RAB28: variants seen among roughly 807,000 people sequenced by gnomAD.
RAB28 encodes ras-related protein Rab-28.
RAB28 carries 24 observed loss-of-function variants against 31.7 expected under a neutral mutation model. That is an observed-to-expected ratio of 0.76 (90% CI 0.55 to 1.06). The LOEUF (loss-of-function observed/expected upper bound fraction) is 1.06. Ranked by LOEUF, RAB28 falls within the 50% of genes least tolerant of loss-of-function variation. RAB28 has a pLI of 0.00. For missense variants in RAB28, 254 were observed against 258.5 expected, an observed-to-expected ratio of 0.98 and a Z score of 0.12; for synonymous variants, 100 against 90.4, an observed-to-expected ratio of 1.11 and a Z score of -0.60.
chr4:13,463,191 G>A (rs1441500432), intron 3 of RAB28, among the ~76,000 whole-genome samples: 5 of 152,008 alleles, frequency 3.3e-5, no homozygotes, highest in African/African-American at 1.2e-4. Context: ...ATAAAGCCTA[G>A]GCCTATGCCT....
At chr4:13,421,977 A>G (rs1206149105) in intron 4 of RAB28, among the ~76,000 whole-genome samples, 1 of 152,048 alleles carries the variant, frequency 6.6e-6, no homozygotes, top group East Asian at 1.9e-4. Context: ...CTACAGAATG[A>G]GAGAACATTT....
At chr4:13,427,448 A>G (rs1713567202) in intron 4 of RAB28, among the ~76,000 whole-genome samples, 1 of 152,218 alleles carries the variant, frequency 6.6e-6, no homozygotes, top group East Asian at 1.9e-4. Context: ...TTCTGCCTAC[A>G]GGTACTTTCT....
chr4:13,381,431 C>G (rs1482616250), intron 5 of RAB28, 60 bp downstream of exon 5: 2 of 1,248,558 alleles, frequency 1.6e-6, no homozygotes, highest in Non-Finnish European at 2.3e-6. Context: ...AAGTATACTT[C>G]CTAGGAATGT....
At position 13,368,096 on chromosome 4, in the gene RAB28, A is replaced by C; in HGVS notation, c.*462T>G. ...CTCACGATAGCGAAAGAATGTCTTCATAAGTATCTGTAGGTAAAATATATT... is the reference window on the plus strand; with the variant it reads ...CTCACGATAGCGAAAGAATGTCTTCCTAAGTATCTGTAGGTAAAATATATT... On this transcript the variant is annotated 3_prime_UTR_variant, in exon 7 of 7. Coordinates refer to ENST00000330852, the MANE Select transcript of RAB28 (RefSeq NM_001017979.3). 4.1e-6 allele frequency: 4 copies of C among 981,386 alleles called. No individual in the cohort carries two copies. The highest frequency in any genetic ancestry group is 4.8e-6 in the Non-Finnish European group (4 of 826,246). The allele number at this position is 981,386 out of a possible 1,614,324, so 60.8% of individuals were successfully genotyped here. A position where few individuals can be genotyped will look rare whatever the true frequency, so the allele number is the denominator to read the frequency against.
chr4:13,370,287 A>G, intron 6 of RAB28: 1 of 962,416 alleles, frequency 1.0e-6, no homozygotes, highest in Non-Finnish European at 1.2e-6. Flanking sequence ...TATATATAAC[A>G]TATATAATGC....
chr4:13,422,251 G>A (rs1364925092), intron 4 of RAB28, among the ~76,000 whole-genome samples: 1 of 152,180 alleles, frequency 6.6e-6, no homozygotes, highest in Non-Finnish European at 1.5e-5. Context: ...GGAAACAACA[G>A]ATGCTGGAGA....
chr4:13,380,581 T>C (rs1729088014), intron 5 of RAB28, among the ~76,000 whole-genome samples: 1 of 152,142 alleles, frequency 6.6e-6, no homozygotes, highest in South Asian at 2.1e-4. Context: ...TTTTTCTTTT[T>C]TGGGGCCTAC....
chr4:13,445,174 T>C (rs1464485316), intron 4 of RAB28, among the ~76,000 whole-genome samples: 1 of 151,916 alleles, frequency 6.6e-6, no homozygotes, highest in African/African-American at 2.4e-5. Context: ...GATTCAGCCA[T>C]TGATACTTGT....
intron 4 of RAB28, among the ~76,000 whole-genome samples, chr4:13,452,977 ATTG>A (rs139909193): frequency 0.056 from 8,494 of 152,100 alleles, 537 homozygotes; most frequent in African/African-American, 0.16. Context: ...TATATTTACA[ATTG>A]TTATGTTCTC....
chr4:13,426,301 T>C (rs1713485144), intron 4 of RAB28, among the ~76,000 whole-genome samples: 3 of 152,078 alleles, frequency 2.0e-5, no homozygotes, highest in Non-Finnish European at 4.4e-5. Context: ...CCTCATCTCA[T>C]CCAATTTTAT....
chr4:13,484,033 G>A (rs1309413780), intron 1 of RAB28, 43 bp downstream of exon 1: 2 of 1,541,202 alleles, frequency 1.3e-6, no homozygotes, highest in South Asian at 1.2e-5. Context: ...GGACCGCCGG[G>A]GTTCCTGCAG....
chr4:13,427,766 T>A (rs1713588843), intron 4 of RAB28, among the ~76,000 whole-genome samples: 1 of 152,188 alleles, frequency 6.6e-6, no homozygotes, highest in Admixed American at 6.5e-5. Flanking sequence ...ACTCATTGAA[T>A]GCTCAGGGCA....
intron 4 of RAB28, chr4:13,459,654 C>G (rs898372557): frequency 1.8e-4 from 116 of 652,738 alleles, no homozygotes; most frequent in Non-Finnish European, 2.1e-4. Flanking sequence ...TTACCAAGAA[C>G]CACTCTTCTC....
intron 4 of RAB28, among the ~76,000 whole-genome samples, chr4:13,392,088 A>AT (rs935562492): frequency 3.3e-5 from 5 of 152,138 alleles, no homozygotes; most frequent in Non-Finnish European, 5.9e-5. Flanking sequence ...TTAAAGTATA[A>AT]TTTTTTAAAA....
At chr4:13,469,504 G>C (rs553364554) in intron 3 of RAB28, among the ~76,000 whole-genome samples, 157 of 151,898 alleles carry the variant, frequency 1.0e-3, no homozygotes, top group Middle Eastern at 3.4e-3. Context: ...TGCCTTAACT[G>C]CCTTCCTCCA....
At chr4:13,395,886 A>T (rs1729854688) in intron 4 of RAB28, among the ~76,000 whole-genome samples, 1 of 152,088 alleles carries the variant, frequency 6.6e-6, no homozygotes, top group Admixed American at 6.5e-5. Context: ...TTTATTTTCC[A>T]ACATGCTGTA....
At chr4:13,405,619 C>T (rs1444190073) in intron 4 of RAB28, among the ~76,000 whole-genome samples, 1 of 152,042 alleles carries the variant, frequency 6.6e-6, no homozygotes, top group Non-Finnish European at 1.5e-5. Flanking sequence ...GAATAAAATT[C>T]ATAAATTTCT....
chr4:13,441,266 C>T (rs1439345636), intron 4 of RAB28, among the ~76,000 whole-genome samples: 2 of 152,166 alleles, frequency 1.3e-5, no homozygotes, highest in Non-Finnish European at 2.9e-5. Flanking sequence ...AAACTGAAAA[C>T]ATGCCTTTAA....
chr4:13,479,484 G>C lies in RAB28; in HGVS notation c.118C>G (p.Gln40Glu). 6.2e-7 allele frequency: 1 copy of C among 1,609,124 alleles called. No homozygotes were observed. The highest frequency in any genetic ancestry group is 2.2e-5 in the East Asian group (1 of 44,672). ...TCCAGTCCTATAGTTTGTTTGTACT[G>C]TTTCCCAAAAGTTTCTTGAGCAAAA... ...TCFAQETFGK[Q>E]YKQTIGLDFF... Residue 40 changes from glutamine (Q) to glutamate (E), a missense_variant, in exon 2 of 7, where the codon CAG becomes GAG. Gln to Glu is a conservative substitution (Grantham distance 29). Transcript: ENST00000330852.
Sources: gnomAD v4.1 joint callset for allele counts (sites outside exome capture counted in the v4.1 genomes callset) on GRCh38, gnomAD v4.1.1 for gene constraint, MANE v1.5 for transcripts, NCBI Gene and HGNC (gene_info 2026-07-23, HGNC 2026-07-21) for gene names.